Variants in NEGR1 observed in about 807,000 individuals in gnomAD.
NEGR1 encodes the protein neuronal growth regulator 1.
In NEGR1, 10 loss-of-function variants were observed where a neutral mutation model predicts 40.9. The ratio of observed to expected loss-of-function variants is 0.24; its 90% CI spans 0.15 to 0.42. The LOEUF is 0.42. Among genes scored for constraint, NEGR1 ranks in the 10% least tolerant of loss-of-function variants. The probability of loss-of-function intolerance (pLI) is 1.00; values close to 1 mark genes in which losing one functional copy is unlikely to be tolerated. For synonymous variants in NEGR1, 185 were observed against 166.8 expected (o/e 1.11, Z -0.84); for missense variants, 352 against 438.9 (o/e 0.80, Z 1.77).
chr1:71,523,404 T>C (rs1647175969), intron 6 of NEGR1, among the ~76,000 whole-genome samples: 1 of 151,984 alleles, frequency 6.6e-6, no homozygotes, highest in African/African-American at 2.4e-5. Context: ...TGTTCATATA[T>C]TGTAAGATTA....
chr1:72,238,991 C>T (rs750246541), intron 1 of NEGR1, among the ~76,000 whole-genome samples: 20 of 151,732 alleles, frequency 1.3e-4, no homozygotes, highest in Non-Finnish European at 2.2e-4. Flanking sequence ...ATTTTTCCTT[C>T]CTGAGCATTT....
At chr1:71,491,448 A>G (rs1249220119) in intron 6 of NEGR1, among the ~76,000 whole-genome samples, 1 of 152,042 alleles carries the variant, frequency 6.6e-6, no homozygotes, top group Admixed American at 6.6e-5. Context: ...ATATGTATTT[A>G]TTTGGGCTAA....
intron 3 of NEGR1, among the ~76,000 whole-genome samples, chr1:71,775,795 C>T (rs2101717320): frequency 6.6e-6 from 1 of 151,958 alleles, no homozygotes; most frequent in East Asian, 2.0e-4. Flanking sequence ...ATTCCGAGGC[C>T]AACCTGGCCA....
chr1:72,098,304 G>T (rs897797090), intron 1 of NEGR1, among the ~76,000 whole-genome samples: 1 of 151,976 alleles, frequency 6.6e-6, no homozygotes, highest in African/African-American at 2.4e-5. Flanking sequence ...ATTTAAAACG[G>T]AAACAACATA....
intron 1 of NEGR1, among the ~76,000 whole-genome samples, chr1:71,998,391 C>T (rs1316834236): frequency 2.0e-5 from 3 of 151,896 alleles, no homozygotes; most frequent in Admixed American, 6.6e-5. Context: ...CCTGTATATA[C>T]TGCTCACAAA....
In NEGR1 at chr1:72,220,154, T is replaced by G. The variant is rs547699454; in HGVS notation, c.176+62165A>C. Among the ~76,000 whole-genome samples, 63 of 152,140 alleles carry G rather than the reference T, an allele frequency of 4.1e-4. 2 individuals carry two copies. The South Asian group carries it at 0.011, about 26-fold the overall frequency. The stretch of plus-strand genomic sequence containing the variant: ...TGTAACAACTCTCTATAGTTACAAT[T>G]ACCAATTAAATCTCAGAAAAAAATG... On this transcript the variant is annotated intron_variant, in intron 1 of 6. Coordinates refer to ENST00000357731, the MANE Select transcript of NEGR1 (RefSeq NM_173808.3).
At chr1:71,548,295 C>T (rs550848271) in intron 6 of NEGR1, among the ~76,000 whole-genome samples, 2 of 151,682 alleles carry the variant, frequency 1.3e-5, no homozygotes, top group Non-Finnish European at 3.0e-5. Flanking sequence ...GCTCAGGGAT[C>T]CTTTCTGTAG....
intron 1 of NEGR1, among the ~76,000 whole-genome samples, chr1:72,241,937 C>T (rs557879017): frequency 2.0e-5 from 3 of 151,656 alleles, no homozygotes; most frequent in South Asian, 4.2e-4. Flanking sequence ...ATTACTTAAA[C>T]GATCTGTGAA....
chr1:71,990,693 G>A (rs1484810632), intron 1 of NEGR1, among the ~76,000 whole-genome samples: 1 of 152,068 alleles, frequency 6.6e-6, no homozygotes, highest in East Asian at 1.9e-4. Context: ...CAAAGCGACA[G>A]ATTACATTAG....
chr1:72,035,244 G>C (rs1646892301), intron 1 of NEGR1, among the ~76,000 whole-genome samples: 1 of 152,138 alleles, frequency 6.6e-6, no homozygotes, highest in Non-Finnish European at 1.5e-5. Context: ...TCTGCATGCG[G>C]AAGCCTTTTC....
At chr1:72,179,546 ATTAT>A (rs995492474) in intron 1 of NEGR1, among the ~76,000 whole-genome samples, 1 of 152,108 alleles carries the variant, frequency 6.6e-6, no homozygotes, top group African/African-American at 2.4e-5. Context: ...GTATTAAGTA[ATTAT>A]TTAGTTATTT....
intron 1 of NEGR1, among the ~76,000 whole-genome samples, chr1:72,038,133 T>C (rs1482327237): frequency 1.3e-5 from 2 of 152,124 alleles, no homozygotes; most frequent in Admixed American, 1.3e-4. Flanking sequence ...CCAAAGATGT[T>C]AGCCACTACG....
At chr1:72,099,781 AATTT>A (rs1313138611) in intron 1 of NEGR1, among the ~76,000 whole-genome samples, 3 of 151,852 alleles carry the variant, frequency 2.0e-5, no homozygotes, top group Non-Finnish European at 4.4e-5. Context: ...GTTCTACATA[AATTT>A]ATTATTTTCA....
intron 2 of NEGR1, among the ~76,000 whole-genome samples, chr1:71,838,568 C>T (rs937118800): frequency 1.6e-4 from 25 of 152,124 alleles, no homozygotes; most frequent in African/African-American, 6.0e-4. Context: ...ATTTAGTTTA[C>T]TGATCAGCTA....
intron 1 of NEGR1, among the ~76,000 whole-genome samples, chr1:72,243,293 A>C (rs1654806085): frequency 6.6e-6 from 1 of 151,832 alleles, no homozygotes; most frequent in African/African-American, 2.4e-5. Context: ...TAGAAGGATA[A>C]GCCTCTTAGG....
chr1:71,625,903 G>T (rs966264062), intron 4 of NEGR1, among the ~76,000 whole-genome samples: 1 of 151,808 alleles, frequency 6.6e-6, no homozygotes, highest in Admixed American at 6.6e-5. Context: ...CATAGCAGGA[G>T]GTGAGCTGCA....
chr1:72,128,852 A>T (rs1231289635), intron 1 of NEGR1, among the ~76,000 whole-genome samples: 1 of 152,178 alleles, frequency 6.6e-6, no homozygotes, highest in East Asian at 1.9e-4. Context: ...TCCCTCCTCA[A>T]TATGAGTGGG....
intron 1 of NEGR1, among the ~76,000 whole-genome samples, chr1:72,102,257 T>C (rs1648975741): frequency 6.6e-6 from 1 of 152,106 alleles, no homozygotes; most frequent in Admixed American, 6.6e-5. Flanking sequence ...TTAAATGATA[T>C]AGCTGGTATT....
intron 6 of NEGR1, among the ~76,000 whole-genome samples, chr1:71,582,558 T>C (rs1649174609): frequency 6.6e-6 from 1 of 152,192 alleles, no homozygotes; most frequent in Non-Finnish European, 1.5e-5. Flanking sequence ...AGTACACATA[T>C]GGAAGGAGCA....
Sources: allele counts gnomAD v4.1 joint callset (sites outside exome capture counted in the v4.1 genomes callset), GRCh38; gene constraint gnomAD v4.1.1; transcripts MANE v1.5; gene names NCBI Gene and HGNC (gene_info 2026-07-23, HGNC 2026-07-21).